SATB2: variants seen among roughly 807,000 people sequenced by gnomAD.
SATB2 encodes SATB homeobox 2.
SATB2 carries 1 observed loss-of-function variant against 73.4 expected under a neutral mutation model. The ratio of observed to expected loss-of-function variants is 0.01; its 90% CI spans 0.00 to 0.06. SATB2 has a LOEUF of 0.06. SATB2 is among the 10% of genes least tolerant of loss of function. SATB2 has a pLI of 1.00. For missense variants in SATB2, 459 were observed against 945.8 expected, an observed-to-expected ratio of 0.49 and a Z score of 6.75; for synonymous variants, 397 against 367.0, an observed-to-expected ratio of 1.08 and a Z score of -0.93.
Position 199,386,704 on chromosome 2 carries a change from GCGCGCGCGCGCGCACACACACACACACA to G in SATB2, c.347-4912_347-4885del, listed in dbSNP as rs1163174359. 6.6e-5 allele frequency among the ~76,000 whole-genome samples: 4 copies of G among 60,778 alleles called. No individual in the cohort carries two copies. In the South Asian group the frequency reaches 1.8e-3, roughly 28 times the overall value. 39.9% of individuals were successfully genotyped at this position (60,778 alleles called of 152,430 possible). A position where few individuals can be genotyped will look rare whatever the true frequency, so the allele number is the denominator to read the frequency against. Reference sequence around the variant, plus strand: ...TTCATACACGTGCGCAAGCGCGCGCGCGCGCGCGCGCGCACACACACACACACACACACACACACACACACACACACAC... The same window carrying G: ...TTCATACACGTGCGCAAGCGCGCGCGCACACACACACACACACACACACAC... On this transcript the variant is annotated intron_variant, in intron 3 of 10. Transcript: ENST00000417098.
At chr2:199,363,733 C>T (rs1291735449) in intron 6 of SATB2, among the ~76,000 whole-genome samples, 4 of 152,298 alleles carry the variant, frequency 2.6e-5, no homozygotes, top group East Asian at 3.9e-4. Context: ...ACCATACCAT[C>T]ACTTTGTACC....
At chr2:199,330,594 G>T (rs1287913155) in intron 7 of SATB2, among the ~76,000 whole-genome samples, 1 of 152,160 alleles carries the variant, frequency 6.6e-6, no homozygotes, top group Non-Finnish European at 1.5e-5. Flanking sequence ...TAGAAGCAAC[G>T]AGTGAGACAC....
chr2:199,341,890 T>G (rs1688516632), intron 7 of SATB2, among the ~76,000 whole-genome samples: 1 of 152,086 alleles, frequency 6.6e-6, no homozygotes, highest in Non-Finnish European at 1.5e-5. Flanking sequence ...TGAGGGAGTG[T>G]GAGAAGCAGG....
chr2:199,390,481 T>A (rs1363252353), intron 3 of SATB2, among the ~76,000 whole-genome samples: 1 of 152,232 alleles, frequency 6.6e-6, no homozygotes, highest in Non-Finnish European at 1.5e-5. Flanking sequence ...AAGAAGCTTC[T>A]TTTTTCCTCC....
chr2:199,344,555 G>A (rs1482933593), intron 7 of SATB2, among the ~76,000 whole-genome samples: 5 of 152,138 alleles, frequency 3.3e-5, no homozygotes, highest in African/African-American at 1.2e-4. Flanking sequence ...AAGAGTCAAG[G>A]GAACAAGAGA....
chr2:199,324,417 A>C (rs957631296), intron 8 of SATB2, among the ~76,000 whole-genome samples: 1 of 152,146 alleles, frequency 6.6e-6, no homozygotes, highest in Non-Finnish European at 1.5e-5. Context: ...CTTATTCTTT[A>C]TTAAAGCTTT....
chr2:199,356,916 CACA>C (rs1463524569), intron 6 of SATB2, among the ~76,000 whole-genome samples: 3 of 152,178 alleles, frequency 2.0e-5, no homozygotes, highest in Non-Finnish European at 2.9e-5. Flanking sequence ...GTTTAACTCT[CACA>C]ACAATTCTAT....
chr2:199,304,946 G>C (rs16831249), intron 10 of SATB2, among the ~76,000 whole-genome samples: 2,721 of 152,128 alleles, frequency 0.018, 86 homozygotes, highest in African/African-American at 0.061. Context: ...CTATAATCTT[G>C]CTTCATCTCT....
chr2:199,296,672 C>T (rs533351233), intron 10 of SATB2, among the ~76,000 whole-genome samples: 9 of 152,066 alleles, frequency 5.9e-5, no homozygotes, highest in African/African-American at 2.2e-4. Flanking sequence ...TCACTCCAGC[C>T]TGAGCAACCA....
intron 10 of SATB2, among the ~76,000 whole-genome samples, chr2:199,286,738 CA>C (rs1406140720): frequency 1.3e-5 from 2 of 152,146 alleles, no homozygotes; most frequent in Non-Finnish European, 1.5e-5. Context: ...CTTGAAGACC[CA>C]ATTCAAGGCA....
rs773932097 is a variant in SATB2, at chr2:199,272,357, C to T, written c.2056G>A (p.Val686Met). ...LKEHLGSAVD[V>M]AEYKDEELLT... is the part of the protein sequence containing the mutation. Reference sequence around the variant, plus strand: ...AGCTCCTCGTCCTTATATTCAGCCACGTCCACCGCGGAGCCCAGGTGCTCT... The same window carrying T: ...AGCTCCTCGTCCTTATATTCAGCCATGTCCACCGCGGAGCCCAGGTGCTCT... The change falls in exon 11 of 11, where the codon GTG (valine) becomes ATG (methionine). Residue 686 changes from valine to methionine, a missense_variant. Val to Met is a conservative substitution (Grantham distance 21). Around this residue, in one of 13 missense-constraint regions of SATB2, gnomAD observed 13 missense variants for 18.1 expected, o/e 0.72. Transcript: ENST00000417098. The surrounding 1 kb of genome is among the most constrained non-coding windows in gnomAD (Gnocchi z 6.7). 2 of 1,614,212 alleles carry T rather than the reference C, an allele frequency of 1.2e-6. No homozygotes were observed. The highest frequency in any genetic ancestry group is 1.7e-6 in the Non-Finnish European group (2 of 1,180,048).
intron 3 of SATB2, among the ~76,000 whole-genome samples, chr2:199,398,107 T>C (rs1690356683): frequency 6.6e-6 from 1 of 152,118 alleles, no homozygotes; most frequent in Non-Finnish European, 1.5e-5. Context: ...GAGAAGCCAA[T>C]GTAGACTATT....
chr2:199,391,262 T>C (rs1051146337), intron 3 of SATB2, among the ~76,000 whole-genome samples: 10 of 151,710 alleles, frequency 6.6e-5, no homozygotes, highest in African/African-American at 2.4e-4. Context: ...TGAAACCTCA[T>C]CTCTACTAAA....
At chr2:199,434,868 G>T (rs1402139452) in intron 2 of SATB2, among the ~76,000 whole-genome samples, 2 of 151,960 alleles carry the variant, frequency 1.3e-5, no homozygotes, top group Admixed American at 1.3e-4. Context: ...TACAGATTGA[G>T]GTATTTGTTC....
intron 10 of SATB2, among the ~76,000 whole-genome samples, chr2:199,285,502 T>G (rs938830887): frequency 2.7e-4 from 41 of 152,114 alleles, no homozygotes; most frequent in African/African-American, 9.7e-4. Flanking sequence ...ATTATAGGAC[T>G]TATTAAAAAA....
At chr2:199,338,917 T>TAAA (rs564809180) in intron 7 of SATB2, among the ~76,000 whole-genome samples, 7 of 128,072 alleles carry the variant, frequency 5.5e-5, no homozygotes, top group African/African-American at 1.2e-4. Flanking sequence ...GACTCTGTCT[T>TAAA]AAAAAAAAAA....
At chr2:199,436,044 G>T (rs1691642485) in intron 2 of SATB2, among the ~76,000 whole-genome samples, 1 of 152,142 alleles carries the variant, frequency 6.6e-6, no homozygotes, top group Non-Finnish European at 1.5e-5. Context: ...GAAAATCCAT[G>T]TGCAGTTCCT....
At chr2:199,450,251 G>A (rs1692085158) in intron 2 of SATB2, among the ~76,000 whole-genome samples, 1 of 152,010 alleles carries the variant, frequency 6.6e-6, no homozygotes, top group African/African-American at 2.4e-5. Flanking sequence ...TCAAAATAAA[G>A]AGTGATGATG....
chr2:199,277,322 T>C (rs2105715868), intron 10 of SATB2, among the ~76,000 whole-genome samples: 1 of 152,338 alleles, frequency 6.6e-6, no homozygotes, highest in African/African-American at 2.4e-5. Flanking sequence ...CATTTTACTG[T>C]ATGCAAACTA....
Sources: allele counts gnomAD v4.1 joint callset (sites outside exome capture counted in the v4.1 genomes callset), GRCh38; gene constraint gnomAD v4.1.1; regional missense constraint gnomAD v4.1.1; non-coding constraint Gnocchi (gnomAD v3.1); transcripts MANE v1.5; gene names NCBI Gene and HGNC (gene_info 2026-07-23, HGNC 2026-07-21).